The following RBFOX1 variants were observed in gnomAD, a reference collection of about 807,000 sequenced individuals.
The protein encoded by RBFOX1 is RNA binding fox-1 homolog 1.
Under a neutral mutation model 57.7 loss-of-function variants are expected in RBFOX1, and 8 were observed. The observed-to-expected ratio is 0.14, with a 90% CI of 0.08 to 0.25. The LOEUF (loss-of-function observed/expected upper bound fraction) is 0.25. RBFOX1 is among the 10% of genes least tolerant of loss of function. The probability of loss-of-function intolerance (pLI) is 1.00; values close to 1 mark genes in which losing one functional copy is unlikely to be tolerated. For synonymous variants in RBFOX1, 326 were observed against 222.4 expected (o/e 1.47, Z -4.15); for missense variants, 611 against 548.5 (o/e 1.11, Z -1.14).
rs144589835 is a variant in RBFOX1, at chr16:5,657,737, CT to C, written c.318+58789del. 6.1e-5 allele frequency among the ~76,000 whole-genome samples: 7 copies of C among 115,336 alleles called. No homozygotes were observed. The East Asian group carries it at 7.9e-4, about 13-fold the overall frequency. The allele number at this position is 115,336 out of a possible 152,430, so 75.7% of individuals were successfully genotyped here. On this transcript the variant is annotated intron_variant, in intron 3 of 19. Coordinates refer to the RBFOX1 transcript ENST00000641259. ...CTCTTTCTTTTGTTTCTTTTCTTTT[CT>C]TTTTTTTTTTTTGAGACAGAATCTC...
At chr16:6,339,887 C>G (rs917646) in intron 2 of RBFOX1, among the ~76,000 whole-genome samples, 23,762 of 151,758 alleles carry the variant, frequency 0.16, 1,992 homozygotes, top group African/African-American at 0.21. Flanking sequence ...CCATCTTGGC[C>G]AGGCTGGTCT....
At chr16:6,338,141 G>A (rs2084026063) in intron 2 of RBFOX1, among the ~76,000 whole-genome samples, 1 of 152,140 alleles carries the variant, frequency 6.6e-6, no homozygotes, top group African/African-American at 2.4e-5. Flanking sequence ...TTTTAGTGGT[G>A]AGAATAAAAA....
At chr16:6,534,666 T>C (rs1361590995) in intron 2 of RBFOX1, among the ~76,000 whole-genome samples, 1 of 152,168 alleles carries the variant, frequency 6.6e-6, no homozygotes, top group African/African-American at 2.4e-5. Flanking sequence ...AAAAAAATCT[T>C]GGTTATAAAA....
intron 3 of RBFOX1, among the ~76,000 whole-genome samples, chr16:6,912,338 C>T (rs889814286): frequency 6.6e-6 from 1 of 152,088 alleles, no homozygotes; most frequent in African/African-American, 2.4e-5. Flanking sequence ...CTGTAATTTA[C>T]ACTTCTAGCA....
At chr16:6,785,833 C>G (rs2154241780) in intron 3 of RBFOX1, among the ~76,000 whole-genome samples, 1 of 152,270 alleles carries the variant, frequency 6.6e-6, no homozygotes, top group Non-Finnish European at 1.5e-5. Flanking sequence ...GAATACAGAG[C>G]TAGAATTAGA....
intron 4 of RBFOX1, among the ~76,000 whole-genome samples, chr16:7,247,010 T>C (rs1172748072): frequency 6.6e-6 from 1 of 152,114 alleles, no homozygotes; most frequent in East Asian, 1.9e-4. Flanking sequence ...CAATCACAAA[T>C]CTAATTGGCA....
chr16:6,642,311 A>G (rs2098498390), intron 2 of RBFOX1, among the ~76,000 whole-genome samples: 1 of 152,174 alleles, frequency 6.6e-6, no homozygotes, highest in Non-Finnish European at 1.5e-5. Flanking sequence ...TGCGATTTAC[A>G]TCTAATGTGG....
intron 1 of RBFOX1, among the ~76,000 whole-genome samples, chr16:6,276,012 A>T (rs2075763548): frequency 6.6e-6 from 1 of 152,186 alleles, no homozygotes; most frequent in Non-Finnish European, 1.5e-5. Flanking sequence ...GATTATTATA[A>T]GTTTAAGCTA....
At chr16:6,244,608 C>G (rs1005626522) in intron 1 of RBFOX1, among the ~76,000 whole-genome samples, 2 of 152,164 alleles carry the variant, frequency 1.3e-5, no homozygotes, top group Non-Finnish European at 2.9e-5. Flanking sequence ...GGTCCCAGTT[C>G]AAGCAATTCT....
rs145287070 is a variant in RBFOX1 at position 7,478,474 on chromosome 16, A to G, written c.28-39673A>G. ...GAAGAGAAAGTGCTTTAGTGTTCACAGTAGGGGCTGCAGTTTGCAGAGGCT... is the reference window on the plus strand; with the variant it reads ...GAAGAGAAAGTGCTTTAGTGTTCACGGTAGGGGCTGCAGTTTGCAGAGGCT... On this transcript the variant is annotated intron_variant, in intron 4 of 15. Coordinates refer to ENST00000550418, the MANE Select transcript of RBFOX1 (RefSeq NM_018723.4). 4.6e-3 allele frequency among the ~76,000 whole-genome samples: 701 copies of G among 152,296 alleles called. 2 individuals are homozygous for G. Among genetic ancestry groups the G allele is most frequent in the Non-Finnish European group, 6.7e-3 (456 of 68,024 alleles).
At chr16:5,452,252 G>C (rs2068450449) in intron 1 of RBFOX1, among the ~76,000 whole-genome samples, 1 of 151,490 alleles carries the variant, frequency 6.6e-6, no homozygotes, top group Non-Finnish European at 1.5e-5. Flanking sequence ...CCAAGTAGCT[G>C]GGATTACAGG....
chr16:6,814,331 CAT>C (rs1361670868), intron 3 of RBFOX1, among the ~76,000 whole-genome samples: 1 of 152,090 alleles, frequency 6.6e-6, no homozygotes. Flanking sequence ...TTGATTAAGA[CAT>C]AGCTCCTGAT....
At chr16:5,553,574 C>G (rs934957538) in intron 2 of RBFOX1, among the ~76,000 whole-genome samples, 1 of 151,666 alleles carries the variant, frequency 6.6e-6, no homozygotes, top group African/African-American at 2.4e-5. Flanking sequence ...CTCAGCCTCC[C>G]AAAGTGCTGG....
chr16:7,123,638 TG>T (rs2067720373), intron 4 of RBFOX1, among the ~76,000 whole-genome samples: 1 of 152,168 alleles, frequency 6.6e-6, no homozygotes, highest in South Asian at 2.1e-4. Context: ...GTGCTGGGAC[TG>T]GAGGAGTGAG....
chr16:6,590,481 C>G (rs1314743880), intron 2 of RBFOX1, among the ~76,000 whole-genome samples: 1 of 152,072 alleles, frequency 6.6e-6, no homozygotes, highest in East Asian at 1.9e-4. Context: ...TTTGATGTAC[C>G]TGGTTCAGAG....
intron 4 of RBFOX1, among the ~76,000 whole-genome samples, chr16:7,482,307 T>G (rs1424724972): frequency 2.6e-5 from 4 of 152,118 alleles, no homozygotes; most frequent in African/African-American, 7.2e-5. Context: ...GTGAAGTGCT[T>G]TAGGGAGGCG....
chr16:5,999,035 A>ATG (rs2060540136), intron 4 of RBFOX1, among the ~76,000 whole-genome samples: 1 of 152,214 alleles, frequency 6.6e-6, no homozygotes, highest in African/African-American at 2.4e-5. Flanking sequence ...ACACTCCATT[A>ATG]ATCACAGACT....
chr16:5,783,126 A>G (rs904945281), intron 3 of RBFOX1, among the ~76,000 whole-genome samples: 14 of 152,170 alleles, frequency 9.2e-5, no homozygotes, highest in African/African-American at 3.4e-4. Context: ...CACCCTCTTT[A>G]CTTAAATATT....
At chr16:5,551,013 A>C (rs2045441040) in intron 2 of RBFOX1, among the ~76,000 whole-genome samples, 1 of 152,156 alleles carries the variant, frequency 6.6e-6, no homozygotes, top group South Asian at 2.1e-4. Context: ...CTCTGTAATA[A>C]AGCATATCAA....
Sources: gnomAD v4.1 joint callset for allele counts (sites outside exome capture counted in the v4.1 genomes callset) on GRCh38, gnomAD v4.1.1 for gene constraint, MANE v1.5 for transcripts, NCBI Gene and HGNC (gene_info 2026-07-23, HGNC 2026-07-21) for gene names.